CLVS1: variants seen among roughly 807,000 people sequenced by gnomAD.
CLVS1 encodes clavesin-1.
CLVS1 carries 10 observed loss-of-function variants against 33.1 expected under a neutral mutation model. The observed-to-expected ratio is 0.30, with a 90% CI of 0.19 to 0.51. The LOEUF (loss-of-function observed/expected upper bound fraction) is 0.51. Among genes scored for constraint, CLVS1 ranks in the 20% least tolerant of loss-of-function variants. The probability of loss-of-function intolerance (pLI) is 0.97; values close to 1 mark genes in which losing one functional copy is unlikely to be tolerated. For synonymous variants in CLVS1, 163 were observed against 166.1 expected, an observed-to-expected ratio of 0.98 and a Z score of 0.14; for missense variants, 343 against 433.4, an observed-to-expected ratio of 0.79 and a Z score of 1.85.
intron 1 of CLVS1, among the ~76,000 whole-genome samples, chr8:61,290,612 T>G (rs983303232): frequency 6.6e-6 from 1 of 152,164 alleles, no homozygotes; most frequent in African/African-American, 2.4e-5. Flanking sequence ...AGAGGCACTT[T>G]ATTATCCCTA....
intron 1 of CLVS1, among the ~76,000 whole-genome samples, chr8:61,059,522 G>A (rs1319537353): frequency 4.0e-5 from 2 of 50,062 alleles, no homozygotes; most frequent in Non-Finnish European, 8.8e-5. Flanking sequence ...AAAATAGCAC[G>A]AGGCTTGTCC....
chr8:61,180,084 G>A (rs1052059973), intron 2 of CLVS1, among the ~76,000 whole-genome samples: 3 of 151,906 alleles, frequency 2.0e-5, no homozygotes, highest in African/African-American at 7.3e-5. Flanking sequence ...AAAATAGATA[G>A]ACCACTAGGT....
chr8:61,017,021 G>A, the CLVS1 span, among the ~76,000 whole-genome samples: 105 of 152,318 alleles, frequency 6.9e-4, no homozygotes, highest in Middle Eastern at 0.02. Context: ...CACAAAGCAG[G>A]AAATCTGTAG....
At chr8:61,051,798 C>G in the CLVS1 span, among the ~76,000 whole-genome samples, 1 of 152,258 alleles carries the variant, frequency 6.6e-6, no homozygotes, top group Non-Finnish European at 1.5e-5. Flanking sequence ...CAACTGAGGA[C>G]AGTGGCCATG....
intron 1 of CLVS1, among the ~76,000 whole-genome samples, chr8:61,103,210 G>T (rs575216082): frequency 6.6e-6 from 1 of 152,336 alleles, no homozygotes; most frequent in African/African-American, 2.4e-5. Flanking sequence ...CACTGTTTGA[G>T]TTGCTGCTCT....
At chr8:61,393,950 G>C (rs924619869) in intron 3 of CLVS1, among the ~76,000 whole-genome samples, 1 of 152,186 alleles carries the variant, frequency 6.6e-6, no homozygotes, top group Admixed American at 6.5e-5. Flanking sequence ...GCAGGCAATG[G>C]AATTGCCTGC....
intron 2 of CLVS1, among the ~76,000 whole-genome samples, chr8:61,218,143 C>T (rs1051175558): frequency 6.6e-6 from 1 of 152,170 alleles, no homozygotes; most frequent in African/African-American, 2.4e-5. Context: ...AGCAATATCA[C>T]TACTGGGAAT....
the CLVS1 span, among the ~76,000 whole-genome samples, chr8:60,986,726 A>C: frequency 2.0e-5 from 3 of 152,342 alleles, no homozygotes; most frequent in Non-Finnish European, 4.4e-5. Flanking sequence ...GCTATTTTTC[A>C]TGCACTCACT....
chr8:61,484,638 C>T (rs1239632056), intron 5 of CLVS1, among the ~76,000 whole-genome samples: 1 of 152,214 alleles, frequency 6.6e-6, no homozygotes, highest in Non-Finnish European at 1.5e-5. Flanking sequence ...ATTGCCAAGA[C>T]AATCCTAACC....
Position 61,299,821 on chromosome 8 carries a change from C to A in CLVS1, c.-7C>A. 1 of 1,597,414 alleles carries A rather than the reference C, an allele frequency of 6.3e-7. No homozygotes were observed. The highest frequency in any genetic ancestry group is 8.5e-7 in the Non-Finnish European group (1 of 1,169,810). On this transcript the variant is annotated 5_prime_UTR_variant, in exon 2 of 6. The change creates a premature stop within an existing upstream ORF in the 5' untranslated region. Coordinates refer to ENST00000325897, the MANE Select transcript of CLVS1 (RefSeq NM_173519.3). ...ATGGGCCACAGTTTCAGCAGACCAT[C>A]AGGTGAATGGGACCAGTCTCTCTTC...
chr8:61,331,730 A>C (rs190410918), intron 2 of CLVS1, among the ~76,000 whole-genome samples: 1 of 152,088 alleles, frequency 6.6e-6, no homozygotes, highest in African/African-American at 2.4e-5. Flanking sequence ...AGTGTCTTCT[A>C]TTATATCTCT....
At chr8:61,287,901 G>A (rs1809826711), upstream of CLVS1, 1 of 350,858 alleles carries the variant, frequency 2.9e-6, no homozygotes, top group Non-Finnish European at 5.6e-6. Context: ...GAGGGTTGTG[G>A]TACGGAGGCA....
chr8:61,263,125 G>T lies in CLVS1; in HGVS notation c.-151-36552G>T, dbSNP rs185899672. 4.7e-3 allele frequency among the ~76,000 whole-genome samples: 714 copies of T among 152,210 alleles called. 1 individual carries two copies. Among genetic ancestry groups the T allele is most frequent in the Admixed American group, 8.8e-3 (134 of 15,282 alleles). On this transcript the variant is annotated intron_variant, in intron 2 of 2. Coordinates refer to the CLVS1 transcript ENST00000522621. Reference sequence around the variant, plus strand: ...TGAAAAATGACCCAAAGATGTCCCCGGCTAAGTATTCAGCTTGATTGGCAC... The same window carrying T: ...TGAAAAATGACCCAAAGATGTCCCCTGCTAAGTATTCAGCTTGATTGGCAC...
At chr8:61,308,732 A>G (rs1361041926) in intron 2 of CLVS1, among the ~76,000 whole-genome samples, 1 of 152,140 alleles carries the variant, frequency 6.6e-6, no homozygotes, top group Admixed American at 6.5e-5. Context: ...ACCAGTTGTT[A>G]GGTGCTTTTG....
At chr8:61,459,842 G>C (rs989345901) in intron 5 of CLVS1, among the ~76,000 whole-genome samples, 3 of 152,120 alleles carry the variant, frequency 2.0e-5, no homozygotes, top group African/African-American at 7.2e-5. Flanking sequence ...TTACAGTTCT[G>C]AAGGTTGGAA....
intron 2 of CLVS1, among the ~76,000 whole-genome samples, chr8:61,356,678 T>C (rs866239817): frequency 6.6e-6 from 1 of 152,202 alleles, no homozygotes; most frequent in Non-Finnish European, 1.5e-5. Context: ...GGGAATCCTT[T>C]CCCCATTGTT....
At chr8:61,000,643 C>T in the CLVS1 span, among the ~76,000 whole-genome samples, 9 of 133,372 alleles carry the variant, frequency 6.7e-5, no homozygotes, top group Non-Finnish European at 1.5e-4. Flanking sequence ...AACAGTTCTC[C>T]TCATGCTTGT....
chr8:61,063,281 GAGAGAGAGAGAGAT>G (rs762749995), intron 1 of CLVS1, among the ~76,000 whole-genome samples: 6,890 of 134,220 alleles, frequency 0.051, 282 homozygotes, highest in Middle Eastern at 0.087. Context: ...GAGAGAGAGA[GAGAGAGAGAGAGAT>G]AGAGAGAGAG....
chr8:61,151,852 G>A (rs1373675922), intron 2 of CLVS1, among the ~76,000 whole-genome samples: 1 of 152,164 alleles, frequency 6.6e-6, no homozygotes, highest in Non-Finnish European at 1.5e-5. Context: ...CTTCCTTGCT[G>A]AATTTCTGAT....
Sources: gnomAD v4.1 joint callset for allele counts (sites outside exome capture counted in the v4.1 genomes callset) on GRCh38, gnomAD v4.1.1 for gene constraint, MANE v1.5 for transcripts, NCBI Gene and HGNC (gene_info 2026-07-23, HGNC 2026-07-21) for gene names.